Variants in AKT3 observed in about 807,000 individuals in gnomAD.
AKT3 encodes the protein RAC-gamma serine/threonine-protein kinase.
A neutral mutation model predicts 65.3 loss-of-function variants in AKT3; 15 were observed. That is an observed-to-expected ratio of 0.23 (90% CI 0.15 to 0.35). The LOEUF (loss-of-function observed/expected upper bound fraction) is 0.35, where lower values mean the gene tolerates loss of function less well. AKT3 is among the 10% of genes least tolerant of loss of function. The pLI is 1.00. For synonymous variants in AKT3, 206 were observed against 183.8 expected, an observed-to-expected ratio of 1.12 and a Z score of -0.98; for missense variants, 243 against 576.5, an observed-to-expected ratio of 0.42 and a Z score of 5.92.
chr1:243,687,318 G>C (rs1335396788), intron 3 of AKT3: 1 of 152,060 alleles, frequency 6.6e-6, no homozygotes, highest in African/African-American at 2.4e-5. Flanking sequence ...TGATTGGCTT[G>C]GGAATACAAA....
At chr1:243,624,966 T>G (rs527608702) in intron 6 of AKT3, 1 of 307,010 alleles carries the variant, frequency 3.3e-6, no homozygotes, top group Admixed American at 3.4e-5. Flanking sequence ...ATTTCCCACC[T>G]GCCTAGTGAC....
At chr1:243,692,421 T>C (rs1474571872) in intron 3 of AKT3, among the ~76,000 whole-genome samples, 1 of 152,118 alleles carries the variant, frequency 6.6e-6, no homozygotes, top group Non-Finnish European at 1.5e-5. Context: ...CACCTCTTCA[T>C]CATCCCTAAA....
intron 8 of AKT3, among the ~76,000 whole-genome samples, chr1:243,576,151 T>C (rs942013839): frequency 2.6e-5 from 4 of 152,112 alleles, no homozygotes; most frequent in Admixed American, 2.0e-4. Flanking sequence ...ATTATCTCAA[T>C]AGACACAGAA....
intron 10 of AKT3, among the ~76,000 whole-genome samples, chr1:243,555,082 G>A (rs1210759215): frequency 6.6e-6 from 1 of 152,022 alleles, no homozygotes; most frequent in Non-Finnish European, 1.5e-5. Context: ...AAGTGATTTT[G>A]CCTCTGAACA....
chr1:243,705,353 G>A (rs1685730776), intron 2 of AKT3, among the ~76,000 whole-genome samples: 1 of 152,116 alleles, frequency 6.6e-6, no homozygotes, highest in African/African-American at 2.4e-5. Flanking sequence ...TCTCAGTATG[G>A]TTGGTTTGTT....
intron 4 of AKT3, among the ~76,000 whole-genome samples, chr1:243,664,363 A>AT (rs1222977077): frequency 1.3e-5 from 2 of 150,260 alleles, no homozygotes; most frequent in East Asian, 2.0e-4. Context: ...CGCCTGGCTG[A>AT]TTTTTTGTGT....
At chr1:243,750,640 G>A (rs1688756892) in intron 2 of AKT3, among the ~76,000 whole-genome samples, 1 of 149,678 alleles carries the variant, frequency 6.7e-6, no homozygotes. Context: ...GGAGTGCAGT[G>A]GCACAATCTC....
rs142699986 is a variant in AKT3 at position 243,671,139 on chromosome 1, C to T, written c.173-6256G>A. Among the ~76,000 whole-genome samples the T allele has an allele frequency of 6.9e-4, 100 of 145,614 alleles. No individual in the cohort carries two copies. In the East Asian group the frequency reaches 0.013, roughly 19 times the overall value. On this transcript the variant is annotated intron_variant, in intron 3 of 13. Coordinates refer to ENST00000673466, the MANE Select transcript of AKT3 (RefSeq NM_005465.7). Reference sequence around the variant, plus strand: ...TGTTGCCCAGGCTGGAGTGCAGTGGCGCAATCTCGGCTCATGCAAGCTCCA... The same window carrying T: ...TGTTGCCCAGGCTGGAGTGCAGTGGTGCAATCTCGGCTCATGCAAGCTCCA...
At chr1:243,595,846 A>C (rs1173338280) in intron 8 of AKT3, among the ~76,000 whole-genome samples, 1 of 152,184 alleles carries the variant, frequency 6.6e-6, no homozygotes, top group African/African-American at 2.4e-5. Flanking sequence ...TTTTTAAATA[A>C]GTGAAAGTAA....
chr1:243,756,438 A>T (rs556595932), intron 2 of AKT3, among the ~76,000 whole-genome samples: 1 of 152,304 alleles, frequency 6.6e-6, no homozygotes, highest in South Asian at 2.1e-4. Context: ...GGGACATGTT[A>T]AAGGGCACAG....
At chr1:243,791,187 A>T (rs1462282338) in intron 2 of AKT3, among the ~76,000 whole-genome samples, 2 of 152,202 alleles carry the variant, frequency 1.3e-5, no homozygotes, top group Non-Finnish European at 2.9e-5. Flanking sequence ...TATTTAAAAC[A>T]CCTAATACAA....
chr1:243,585,995 T>C (rs1026421847), intron 8 of AKT3, among the ~76,000 whole-genome samples: 1 of 152,166 alleles, frequency 6.6e-6, no homozygotes, highest in Non-Finnish European at 1.5e-5. Context: ...AAAGGTCTAA[T>C]ATCCAAAGTG....
At chr1:243,644,803 A>G (rs966810893) in intron 5 of AKT3, among the ~76,000 whole-genome samples, 1 of 152,208 alleles carries the variant, frequency 6.6e-6, no homozygotes, top group African/African-American at 2.4e-5. Flanking sequence ...GTACAAAAGA[A>G]GCTTTCTTAT....
At chr1:243,697,586 T>C (rs565449455) in intron 2 of AKT3, among the ~76,000 whole-genome samples, 26 of 152,198 alleles carry the variant, frequency 1.7e-4, no homozygotes, top group African/African-American at 6.3e-4. Context: ...TTTAACACTG[T>C]CTATAATTTT....
chr1:243,778,560 C>T (rs1435946856), intron 2 of AKT3, among the ~76,000 whole-genome samples: 1 of 152,140 alleles, frequency 6.6e-6, no homozygotes, highest in Non-Finnish European at 1.5e-5. Flanking sequence ...AGACAAAAGG[C>T]TTTCCATACT....
At chr1:243,580,738 G>A (rs532079017) in intron 8 of AKT3, among the ~76,000 whole-genome samples, 3 of 152,282 alleles carry the variant, frequency 2.0e-5, no homozygotes, top group African/African-American at 7.2e-5. Flanking sequence ...CCATTGCCGG[G>A]TAACCCACTC....
chr1:243,827,817 G>T (rs1694262367), intron 2 of AKT3, among the ~76,000 whole-genome samples: 1 of 152,058 alleles, frequency 6.6e-6, no homozygotes, highest in Admixed American at 6.6e-5. Context: ...ATGAATTTTT[G>T]TAATTACTAC....
chr1:243,761,725 C>T (rs1689501997), intron 2 of AKT3, among the ~76,000 whole-genome samples: 1 of 152,062 alleles, frequency 6.6e-6, no homozygotes, highest in Non-Finnish European at 1.5e-5. Flanking sequence ...CCCATAGCAC[C>T]ACGTTGGATA....
downstream of AKT3, among the ~76,000 whole-genome samples, chr1:243,496,022 C>G (rs545947375): frequency 9.2e-5 from 14 of 152,322 alleles, no homozygotes; most frequent in East Asian, 2.5e-3. Context: ...AAAGAACCAG[C>G]TTCCCTTTAA....
Sources: gnomAD v4.1 joint callset for allele counts (sites outside exome capture counted in the v4.1 genomes callset) on GRCh38, gnomAD v4.1.1 for gene constraint, MANE v1.5 for transcripts, NCBI Gene and HGNC (gene_info 2026-07-23, HGNC 2026-07-21) for gene names.